ABCB10: variants seen among roughly 807,000 people sequenced by gnomAD.
ABCB10 encodes the protein ATP binding cassette subfamily B member 10, also known as ATP-binding cassette sub-family B member 10, mitochondrial.
A neutral mutation model predicts 65.4 loss-of-function variants in ABCB10; 54 were observed. The ratio of observed to expected loss-of-function variants is 0.83; its 90% CI spans 0.66 to 1.04. ABCB10 has a LOEUF of 1.04. Among genes scored for constraint, ABCB10 ranks in the 50% least tolerant of loss-of-function variants. The probability of loss-of-function intolerance (pLI) is 0.00; values close to 1 mark genes in which losing one functional copy is unlikely to be tolerated. For synonymous variants in ABCB10, 418 were observed against 406.5 expected (o/e 1.03, Z -0.34); for missense variants, 846 against 976.6 (o/e 0.87, Z 1.78).
intron 1 of ABCB10, among the ~76,000 whole-genome samples, chr1:229,556,012 A>C (rs1030657313): frequency 1.3e-5 from 2 of 150,498 alleles, no homozygotes; most frequent in Non-Finnish European, 2.9e-5. Context: ...TGCCAACCCT[A>C]GGCTTGTTTC....
At chr1:229,518,911 T>A (rs2102798666) in intron 11 of ABCB10, 36 bp from the exon 12 acceptor site, 1 of 1,510,216 alleles carries the variant, frequency 6.6e-7, no homozygotes, top group African/African-American at 1.4e-5. Context: ...ATAAAATAAT[T>A]TTATTGGAAA....
At chr1:229,553,671 A>C (rs1663170496) in intron 1 of ABCB10, among the ~76,000 whole-genome samples, 1 of 151,394 alleles carries the variant, frequency 6.6e-6, no homozygotes, top group African/African-American at 2.4e-5. Context: ...TGCCTAACCT[A>C]GGAGGGCCGT....
In ABCB10 at chr1:229,558,437, G is replaced by A; in HGVS notation, c.216C>T (p.Cys72=). ...GCGAGGCGCCCGGACCCCCGCCCCG[G>A]CAGCCGCTCCTCCAGCGGCGCGCGG... ...VGAARRWRSG[C]RGGGPGASRG... is the part of the protein sequence containing the mutation. The change falls in exon 1 of 13, where the codon TGC becomes TGT. Residue 72 remains cysteine (C), a synonymous_variant. Coordinates refer to ENST00000344517, the MANE Select transcript of ABCB10 (RefSeq NM_012089.3). 1 of 1,212,292 alleles carries A rather than the reference G, an allele frequency of 8.2e-7. No individual in the cohort carries two copies. The highest frequency in any genetic ancestry group is 3.3e-5 in the South Asian group (1 of 30,050). 75.1% of individuals were successfully genotyped at this position (1,212,292 alleles called of 1,614,324 possible). A position where few individuals can be genotyped will look rare whatever the true frequency, so the allele number is the denominator to read the frequency against.
At chr1:229,529,667 C>CCA (rs1349287683) in intron 8 of ABCB10, among the ~76,000 whole-genome samples, 1 of 23,210 alleles carries the variant, frequency 4.3e-5, no homozygotes, top group Non-Finnish European at 8.1e-5. Context: ...AAGACTGTCT[C>CCA]AAAAAAAAAA....
At chr1:229,553,895 G>A (rs1296032942) in intron 1 of ABCB10, among the ~76,000 whole-genome samples, 1 of 152,048 alleles carries the variant, frequency 6.6e-6, no homozygotes, top group East Asian at 1.9e-4. Context: ...AGAATTATGA[G>A]TAAACTACAC....
intron 10 of ABCB10, among the ~76,000 whole-genome samples, chr1:229,525,492 G>C (rs974439957): frequency 2.0e-5 from 3 of 152,080 alleles, no homozygotes; most frequent in Non-Finnish European, 4.4e-5. Flanking sequence ...AAGTGGTAAG[G>C]CTAATTTCAA....
chr1:229,555,047 C>G (rs1663212701), intron 1 of ABCB10, among the ~76,000 whole-genome samples: 1 of 152,200 alleles, frequency 6.6e-6, no homozygotes, highest in Non-Finnish European at 1.5e-5. Flanking sequence ...GTCCTCCACA[C>G]AGGCACCAAC....
chr1:229,542,467 CTG>C (rs138177567), intron 3 of ABCB10, 96 bp from the exon 4 acceptor site: 4,044 of 1,379,882 alleles, frequency 2.9e-3, no homozygotes, highest in South Asian at 3.3e-3. Context: ...GTGGGTGTGT[CTG>C]TGTGTGTGTG....
intron 2 of ABCB10, among the ~76,000 whole-genome samples, chr1:229,547,939 G>A (rs566971082): frequency 2.6e-5 from 4 of 151,972 alleles, no homozygotes; most frequent in South Asian, 2.1e-4. Flanking sequence ...GACTGTGGGC[G>A]CTAGTGAGAG....
At position 229,558,122 on chromosome 1, in the gene ABCB10, G is replaced by T. The variant is rs1442058450; in HGVS notation, c.517+14C>A. 1 of 1,370,232 alleles carries T rather than the reference G, an allele frequency of 7.3e-7. No individual in the cohort carries two copies. The highest frequency in any genetic ancestry group is 1.6e-5 in the South Asian group (1 of 62,902). The allele number at this position is 1,370,232 out of a possible 1,614,324, so 84.9% of individuals were successfully genotyped here. A position where few individuals can be genotyped will look rare whatever the true frequency, so the allele number is the denominator to read the frequency against. ...AGAGGCCCGGCGGAGGGAAGTGGCC[G>T]GGGAGGACCCTACCTGCCAGCCTCC... On this transcript the variant is annotated intron_variant, in intron 1 of 12. Transcript: ENST00000344517.
intron 10 of ABCB10, among the ~76,000 whole-genome samples, chr1:229,523,248 C>A (rs985344671): frequency 7.2e-5 from 11 of 152,238 alleles, no homozygotes; most frequent in Admixed American, 2.0e-4. Flanking sequence ...TGTCTCACCC[C>A]ATCCTCCCTC....
At chr1:229,534,396 A>G (rs1455219156) in intron 6 of ABCB10, among the ~76,000 whole-genome samples, 1 of 152,026 alleles carries the variant, frequency 6.6e-6, no homozygotes, top group Admixed American at 6.5e-5. Flanking sequence ...TTTTTGTAAG[A>G]AAAAAATTCA....
chr1:229,545,375 C>T (rs1246515588), intron 3 of ABCB10, among the ~76,000 whole-genome samples: 1 of 152,162 alleles, frequency 6.6e-6, no homozygotes, highest in East Asian at 1.9e-4. Context: ...TCATGGGACA[C>T]AAAGGACAGA....
chr1:229,548,666 C>CT (rs930788850), intron 2 of ABCB10, among the ~76,000 whole-genome samples: 5,766 of 141,038 alleles, frequency 0.041, 343 homozygotes, highest in African/African-American at 0.13. Flanking sequence ...CTTTTTTTTT[C>CT]TTTTTTTTTT....
chr1:229,548,141 A>G (rs1171436807), intron 2 of ABCB10, among the ~76,000 whole-genome samples: 1 of 151,734 alleles, frequency 6.6e-6, no homozygotes, highest in Non-Finnish European at 1.5e-5. Flanking sequence ...AGCTGAAACT[A>G]CAGATGTCCG....
intron 10 of ABCB10, among the ~76,000 whole-genome samples, chr1:229,523,027 T>C (rs943944944): frequency 6.6e-6 from 1 of 152,186 alleles, no homozygotes; most frequent in African/African-American, 2.4e-5. Flanking sequence ...ATAGCACTTA[T>C]TCTTTATGAT....
intron 10 of ABCB10, among the ~76,000 whole-genome samples, chr1:229,522,696 A>G (rs1292343131): frequency 3.9e-5 from 6 of 152,332 alleles, no homozygotes. Context: ...GTTCATCACT[A>G]CACATATTTC....
At chr1:229,524,741 T>G (rs908641401) in intron 10 of ABCB10, among the ~76,000 whole-genome samples, 4 of 152,188 alleles carry the variant, frequency 2.6e-5, no homozygotes, top group African/African-American at 2.4e-5. Context: ...AACCATGGCA[T>G]GTCTATGCAC....
intron 1 of ABCB10, among the ~76,000 whole-genome samples, chr1:229,551,295 C>T (rs1459786159): frequency 6.6e-6 from 1 of 152,186 alleles, no homozygotes; most frequent in East Asian, 1.9e-4. Context: ...AGACACCCTA[C>T]ACTACCCACC....
Sources: gnomAD v4.1 joint callset for allele counts (sites outside exome capture counted in the v4.1 genomes callset) on GRCh38, gnomAD v4.1.1 for gene constraint, MANE v1.5 for transcripts, NCBI Gene and HGNC (gene_info 2026-07-23, HGNC 2026-07-21) for gene names.